Variants in NELL1 observed in about 807,000 individuals in gnomAD.
NELL1 encodes neural EGFL like 1, also known as protein kinase C-binding protein NELL1.
NELL1 carries 76 observed loss-of-function variants against 107.4 expected under a neutral mutation model. The observed-to-expected ratio is 0.71, with a 90% CI of 0.59 to 0.86. The LOEUF (loss-of-function observed/expected upper bound fraction) is 0.86. Ranked by LOEUF, NELL1 falls within the 40% of genes least tolerant of loss-of-function variation. NELL1 has a pLI of 0.00. For missense variants in NELL1, 1,024 were observed against 1,005.5 expected (o/e 1.02, Z -0.25); for synonymous variants, 353 against 341.2 (o/e 1.03, Z -0.38).
chr11:21,355,007 G>A (rs531207710), intron 14 of NELL1, among the ~76,000 whole-genome samples: 17 of 152,266 alleles, frequency 1.1e-4, no homozygotes, highest in African/African-American at 3.9e-4. Flanking sequence ...TAGTGCTCCT[G>A]TAAATGTTGA....
chr11:21,282,601 G>C (rs1271443931), intron 14 of NELL1, among the ~76,000 whole-genome samples: 10 of 152,068 alleles, frequency 6.6e-5, no homozygotes, highest in Admixed American at 6.6e-4. Context: ...GACCACTATG[G>C]AGAACAGTTT....
At chr11:21,467,741 T>G (rs1854068149) in intron 15 of NELL1, among the ~76,000 whole-genome samples, 1 of 152,032 alleles carries the variant, frequency 6.6e-6, no homozygotes, top group South Asian at 2.1e-4. Flanking sequence ...CTAAAGAAGG[T>G]ATTACAAAGT....
In NELL1 at chr11:21,366,667, A is replaced by G. The variant is rs565506113; in HGVS notation, c.1550-4186A>G. Among the ~76,000 whole-genome samples, 175 of 152,006 alleles carry G rather than the reference A, an allele frequency of 1.2e-3. 1 individual carries two copies. Among genetic ancestry groups the G allele is most frequent in the African/African-American group, 4.0e-3 (167 of 41,474 alleles). ...CAACAAAATAAATCCCTCCACCTCC[A>G]TGGGGTAGAATGAGCAAAGTCAGCA... is the stretch of plus-strand genomic sequence containing the variant. On this transcript the variant is annotated intron_variant, in intron 14 of 19. Coordinates refer to ENST00000357134, the MANE Select transcript of NELL1 (RefSeq NM_006157.5).
chr11:21,455,421 T>A (rs1172513019), intron 15 of NELL1, among the ~76,000 whole-genome samples: 4 of 149,542 alleles, frequency 2.7e-5, no homozygotes, highest in Non-Finnish European at 5.9e-5. Flanking sequence ...AGCCTTGAAC[T>A]CCTGGGAGCA....
intron 14 of NELL1, among the ~76,000 whole-genome samples, chr11:21,343,541 T>A (rs367909926): frequency 6.6e-6 from 1 of 152,178 alleles, no homozygotes; most frequent in African/African-American, 2.4e-5. Flanking sequence ...CTTCAAATCA[T>A]CCATTAGTGT....
intron 12 of NELL1, among the ~76,000 whole-genome samples, chr11:21,075,624 G>T (rs747391960): frequency 1.1e-4 from 17 of 152,044 alleles, no homozygotes; most frequent in Non-Finnish European, 2.5e-4. Context: ...TTGTTTTCTT[G>T]CAGAGACATG....
intron 5 of NELL1, among the ~76,000 whole-genome samples, chr11:20,888,260 G>A (rs12796238): frequency 0.84 from 127,040 of 151,866 alleles, 53,372 homozygotes; most frequent in East Asian, 0.94. Flanking sequence ...AAAATAGGAA[G>A]GAGGTTAAAA....
At chr11:20,961,793 G>T (rs995005749) in intron 12 of NELL1, among the ~76,000 whole-genome samples, 1 of 152,034 alleles carries the variant, frequency 6.6e-6, no homozygotes, top group African/African-American at 2.4e-5. Flanking sequence ...GGATTTGAGT[G>T]TGTGTAGATT....
intron 4 of NELL1, among the ~76,000 whole-genome samples, chr11:20,863,291 C>T (rs1341711131): frequency 7.0e-6 from 1 of 143,832 alleles, no homozygotes; most frequent in Non-Finnish European, 1.5e-5. Flanking sequence ...CACCTCCCTC[C>T]CGGACGGGGC....
chr11:21,275,327 A>T (rs2133939971), intron 14 of NELL1, among the ~76,000 whole-genome samples: 1 of 152,336 alleles, frequency 6.6e-6, no homozygotes, highest in East Asian at 1.9e-4. Flanking sequence ...CTAGACACAT[A>T]CACCCTCCTG....
At chr11:20,892,658 C>T (rs957562167) in intron 5 of NELL1, among the ~76,000 whole-genome samples, 2 of 152,198 alleles carry the variant, frequency 1.3e-5, no homozygotes, top group Non-Finnish European at 2.9e-5. Flanking sequence ...AGGCCAGACA[C>T]GGTGGCTCAC....
intron 9 of NELL1, among the ~76,000 whole-genome samples, chr11:20,937,258 T>C (rs1390927015): frequency 1.3e-5 from 2 of 152,216 alleles, no homozygotes; most frequent in Non-Finnish European, 2.9e-5. Context: ...TCTAGTGCAT[T>C]GATCTAGCAC....
chr11:21,198,901 C>A (rs529886771), intron 13 of NELL1, among the ~76,000 whole-genome samples: 1 of 152,292 alleles, frequency 6.6e-6, no homozygotes, highest in East Asian at 1.9e-4. Flanking sequence ...TGGCACCATG[C>A]ACCATGCCTA....
chr11:21,523,184 A>G (rs1855771313), intron 15 of NELL1, among the ~76,000 whole-genome samples: 1 of 151,950 alleles, frequency 6.6e-6, no homozygotes, highest in East Asian at 1.9e-4. Context: ...TAGCTATTCT[A>G]GTTTTCTTAT....
At chr11:20,679,025 A>T (rs2133851908) in intron 2 of NELL1, among the ~76,000 whole-genome samples, 2 of 152,326 alleles carry the variant, frequency 1.3e-5, no homozygotes, top group South Asian at 4.1e-4. Context: ...CAACAAAAAG[A>T]CTTTCGCATG....
At chr11:21,444,468 C>T (rs1853368380) in intron 15 of NELL1, among the ~76,000 whole-genome samples, 1 of 152,140 alleles carries the variant, frequency 6.6e-6, no homozygotes, top group Non-Finnish European at 1.5e-5. Context: ...CCTGTTTGAA[C>T]ACATTATCAA....
At chr11:21,296,302 A>G (rs1269227095) in intron 14 of NELL1, among the ~76,000 whole-genome samples, 3 of 151,972 alleles carry the variant, frequency 2.0e-5, no homozygotes, top group Admixed American at 1.3e-4. Flanking sequence ...ATTTTAAAAA[A>G]AGACCAAAAA....
chr11:21,419,107 G>A (rs972916643), intron 15 of NELL1, among the ~76,000 whole-genome samples: 2 of 152,124 alleles, frequency 1.3e-5, no homozygotes, highest in African/African-American at 2.4e-5. Flanking sequence ...AGAAAATTGG[G>A]GGCTGTGTTC....
At position 20,731,457 on chromosome 11, in the gene NELL1, G is replaced by A. The variant is rs536254767; in HGVS notation, c.185-52223G>A. On this transcript the variant is annotated intron_variant, in intron 2 of 19. Coordinates refer to ENST00000357134, the MANE Select transcript of NELL1 (RefSeq NM_006157.5). ...TTAGGTAGCTTAGGTTAGAGGGGGC[G>A]TCACTGTGAGTGTGTGCATTAAAGG... Among the ~76,000 whole-genome samples, 338 of 152,320 alleles carry A rather than the reference G, an allele frequency of 2.2e-3. 2 individuals are homozygous for A. The highest frequency in any genetic ancestry group is 3.4e-3 in the Middle Eastern group (1 of 294).
Sources: allele counts gnomAD v4.1 joint callset (sites outside exome capture counted in the v4.1 genomes callset), GRCh38; gene constraint gnomAD v4.1.1; transcripts MANE v1.5; gene names NCBI Gene and HGNC (gene_info 2026-07-23, HGNC 2026-07-21).